Variants in HIVEP3 observed in about 807,000 individuals in gnomAD.
HIVEP3 encodes the protein HIVEP zinc finger 3, also known as transcription factor HIVEP3.
A neutral mutation model predicts 152.8 loss-of-function variants in HIVEP3; 49 were observed. That is an observed-to-expected ratio of 0.32 (90% CI 0.26 to 0.41). The LOEUF (loss-of-function observed/expected upper bound fraction) is 0.41. Among genes scored for constraint, HIVEP3 ranks in the 10% least tolerant of loss-of-function variants. HIVEP3 has a pLI of 1.00. For synonymous variants in HIVEP3, 1,269 were observed against 1,289.0 expected (o/e 0.98, Z 0.33); for missense variants, 2,790 against 3,103.3 (o/e 0.90, Z 2.40).
At chr1:41,615,769 C>A (rs1314690909) in intron 3 of HIVEP3, among the ~76,000 whole-genome samples, 2 of 149,276 alleles carry the variant, frequency 1.3e-5, no homozygotes, top group Non-Finnish European at 3.0e-5. Context: ...GAGAAAGGGA[C>A]CCACATTGTG....
chr1:41,791,653 G>A (rs1374888568), intron 1 of HIVEP3, among the ~76,000 whole-genome samples: 1 of 152,152 alleles, frequency 6.6e-6, no homozygotes, highest in Non-Finnish European at 1.5e-5. Flanking sequence ...GGCTAGACTG[G>A]CTCCCTTTGG....
rs59214004 is a variant in HIVEP3, at chr1:41,893,122, CAAAAAAA to C, written c.-801+25284_-801+25290del. Among the ~76,000 whole-genome samples, 12 of 76,828 alleles carry C rather than the reference CAAAAAAA, an allele frequency of 1.6e-4. No individual in the cohort carries two copies. In the South Asian group the frequency reaches 4.5e-3, roughly 29 times the overall value. The allele number at this position is 76,828 out of a possible 152,430, so 50.4% of individuals were successfully genotyped here. A position where few individuals can be genotyped will look rare whatever the true frequency, so the allele number is the denominator to read the frequency against. On this transcript the variant is annotated intron_variant, in intron 1 of 8. Coordinates refer to ENST00000372583, the MANE Select transcript of HIVEP3 (RefSeq NM_024503.5). ...TGGGTGACAAAGCAAGATCTCGTCT[CAAAAAAA>C]AAAAAAAAAAAAACAGAAAAGCAAA...
chr1:41,658,099 A>T (rs1310343537), intron 2 of HIVEP3, among the ~76,000 whole-genome samples: 1 of 152,202 alleles, frequency 6.6e-6, no homozygotes, highest in Non-Finnish European at 1.5e-5. Context: ...CAATTCTCAG[A>T]CCATTTTCTC....
chr1:41,690,286 A>C (rs1025620844), intron 2 of HIVEP3, among the ~76,000 whole-genome samples: 11 of 152,172 alleles, frequency 7.2e-5, no homozygotes, highest in Admixed American at 5.2e-4. Flanking sequence ...ATTTGAGCTG[A>C]GCCTTGTCTG....
intron 1 of HIVEP3, among the ~76,000 whole-genome samples, chr1:41,974,994 T>C (rs1645251949): frequency 6.6e-6 from 1 of 152,178 alleles, no homozygotes; most frequent in Non-Finnish European, 1.5e-5. Flanking sequence ...TTCTGGGCAT[T>C]GCTCCAGACT....
At chr1:41,735,342 AGAT>A (rs1646901028) in intron 1 of HIVEP3, among the ~76,000 whole-genome samples, 1 of 152,242 alleles carries the variant, frequency 6.6e-6, no homozygotes, top group Non-Finnish European at 1.5e-5. Context: ...ATGGTGAAGA[AGAT>A]GATGACGATG....
chr1:41,531,206 GAT>G (rs1354617762), intron 5 of HIVEP3, among the ~76,000 whole-genome samples: 16 of 147,558 alleles, frequency 1.1e-4, no homozygotes, highest in African/African-American at 4.0e-4. Flanking sequence ...GGACTGGAGA[GAT>G]AGAGGACAGG....
At chr1:41,596,663 C>G (rs1644670182) in intron 3 of HIVEP3, among the ~76,000 whole-genome samples, 1 of 152,174 alleles carries the variant, frequency 6.6e-6, no homozygotes, top group African/African-American at 2.4e-5. Context: ...ACAAAACAAA[C>G]ATATTGATTC....
intron 1 of HIVEP3, among the ~76,000 whole-genome samples, chr1:41,986,962 C>G (rs1645327307): frequency 1.3e-5 from 2 of 152,120 alleles, no homozygotes; most frequent in African/African-American, 4.8e-5. Context: ...CTTTGTATTG[C>G]TCATATCCCT....
intron 1 of HIVEP3, among the ~76,000 whole-genome samples, chr1:42,007,604 G>C (rs1645467256): frequency 1.3e-5 from 2 of 152,212 alleles, no homozygotes; most frequent in Non-Finnish European, 2.9e-5. Context: ...CAACATGTGA[G>C]TGATGGGGAG....
chr1:41,583,140 G>C lies in HIVEP3; in HGVS notation c.1658C>G (p.Pro553Arg), dbSNP rs377540743. 10 of 1,613,380 alleles carry C rather than the reference G, an allele frequency of 6.2e-6. No homozygotes were observed. The East Asian group carries it at 6.7e-5, about 11-fold the overall frequency. ...GTAGCTACCTCGGAAGGGGTGGTGG[G>C]GGGTGCTGATAGTGCAGGCGGCAGA... ...MPSAACTIST[P>R]HHPFRGSYSF... Residue 553 changes from proline to arginine, a missense_variant, in exon 4 of 9, where the codon CCC (proline) becomes CGC (arginine). By Grantham distance (103) the Pro-to-Arg change is moderately radical. Transcript: ENST00000372583. This position sits in a 1 kb window ranked among gnomAD's most constrained non-coding sequence, Gnocchi z 6.9.
chr1:41,757,466 A>T (rs1439783168), intron 1 of HIVEP3, among the ~76,000 whole-genome samples: 1 of 151,906 alleles, frequency 6.6e-6, no homozygotes, highest in Non-Finnish European at 1.5e-5. Flanking sequence ...CACCTGTAGT[A>T]CCAAGGAGGA....
chr1:41,861,709 G>C (rs1333294363), intron 1 of HIVEP3, among the ~76,000 whole-genome samples: 1 of 152,232 alleles, frequency 6.6e-6, no homozygotes, highest in African/African-American at 2.4e-5. Context: ...AAGGAGGCCA[G>C]ATTTCAGAGA....
intron 1 of HIVEP3, among the ~76,000 whole-genome samples, chr1:41,970,110 C>G (rs1312691988): frequency 6.6e-6 from 1 of 152,158 alleles, no homozygotes; most frequent in African/African-American, 2.4e-5. Context: ...TTAGTTCAAC[C>G]ATTGTGGAAG....
chr1:41,510,540 T>C lies in HIVEP3; in HGVS notation c.7132A>G (p.Thr2378Ala). Residue 2378 changes from threonine to alanine, a missense_variant, in exon 9 of 9, where the codon ACC becomes GCC. Physicochemically the swap from Thr to Ala is moderately conservative, Grantham distance 58. Transcript: ENST00000372583. ...GAGGGCTTGGGGGAGTCCTGCCTGG[T>C]CCTGGGTTCCCCGGAGAGGTTCCTC... is the stretch of plus-strand genomic sequence containing the variant. ...RTRNLSGEPR[T>A]RQDSPKPSGS... The C allele has an allele frequency of 1.3e-6, 2 of 1,581,450 alleles. No individual in the cohort carries two copies. The highest frequency in any genetic ancestry group is 2.3e-5 in the East Asian group (1 of 43,298).
intron 2 of HIVEP3, among the ~76,000 whole-genome samples, chr1:41,652,228 C>T (rs910493381): frequency 1.3e-5 from 2 of 152,194 alleles, no homozygotes; most frequent in African/African-American, 2.4e-5. Context: ...CTTTCTGAAG[C>T]CTTCCCATAT....
intron 1 of HIVEP3, among the ~76,000 whole-genome samples, chr1:42,007,446 T>C (rs1645466411): frequency 6.6e-6 from 1 of 152,232 alleles, no homozygotes. Flanking sequence ...CCAAGCTTAT[T>C]GAAGGCAGCA....
At chr1:41,633,775 A>T (rs1337732554) in intron 2 of HIVEP3, among the ~76,000 whole-genome samples, 1 of 152,070 alleles carries the variant, frequency 6.6e-6, no homozygotes, top group Non-Finnish European at 1.5e-5. Flanking sequence ...ACCCACCTTA[A>T]AGAGAACTGC....
At chr1:41,685,378 G>A (rs1410793385) in intron 2 of HIVEP3, among the ~76,000 whole-genome samples, 4 of 152,220 alleles carry the variant, frequency 2.6e-5, no homozygotes, top group African/African-American at 7.2e-5. Flanking sequence ...GTCCTTGAGA[G>A]CAAGGCGGGG....
Sources: gnomAD v4.1 joint callset for allele counts (sites outside exome capture counted in the v4.1 genomes callset) on GRCh38, gnomAD v4.1.1 for gene constraint, Gnocchi (gnomAD v3.1) non-coding constraint, MANE v1.5 for transcripts, NCBI Gene and HGNC (gene_info 2026-07-23, HGNC 2026-07-21) for gene names.